The following MICU3 variants were observed in gnomAD, a reference collection of about 807,000 sequenced individuals.
The protein encoded by MICU3 is calcium uptake protein 3, mitochondrial.
MICU3 carries 62 observed loss-of-function variants against 66.5 expected under a neutral mutation model. The ratio of observed to expected loss-of-function variants is 0.93; its 90% confidence interval spans 0.76 to 1.15. The LOEUF (loss-of-function observed/expected upper bound fraction) is 1.15, where lower values mean the gene tolerates loss of function less well. MICU3 is among the 50% of genes most tolerant of loss of function. MICU3 has a pLI of 0.00. For synonymous variants in MICU3, 308 were observed against 240.7 expected, an observed-to-expected ratio of 1.28 and a Z score of -2.59; for missense variants, 779 against 664.4, an observed-to-expected ratio of 1.17 and a Z score of -1.90.
chr8:17,117,151 AT>A (rs36003547), intron 13 of MICU3, among the ~76,000 whole-genome samples: 4,831 of 151,314 alleles, frequency 0.032, 107 homozygotes, highest in Non-Finnish European at 0.043. Context: ...CTAATTTATA[AT>A]TTTTTTTACT....
At chr8:17,078,115 A>G (rs1441381892) in intron 4 of MICU3, among the ~76,000 whole-genome samples, 2 of 151,904 alleles carry the variant, frequency 1.3e-5, no homozygotes, top group Non-Finnish European at 2.9e-5. Context: ...ATTTTTTTAT[A>G]TCAGATTGGA....
At chr8:17,064,031 A>G in intron 1 of MICU3, 53 bp from the exon 2 acceptor site, 1 of 1,391,194 alleles carries the variant, frequency 7.2e-7, no homozygotes, top group East Asian at 2.3e-5. Flanking sequence ...AGTATCTTCT[A>G]GAGGGAGGTA....
At chr8:17,136,983 C>T in the MICU3 span, among the ~76,000 whole-genome samples, 2 of 151,880 alleles carry the variant, frequency 1.3e-5, no homozygotes, top group Admixed American at 6.6e-5. Flanking sequence ...TACAGGTGCA[C>T]GCCACCACGC....
rs1485023957 is a variant in MICU3 at position 17,087,023 on chromosome 8, G to A, written c.837G>A (p.Lys279=). 3 of 1,604,706 alleles carry A rather than the reference G, an allele frequency of 1.9e-6. No individual in the cohort carries two copies. The highest frequency in any genetic ancestry group is 2.6e-6 in the Non-Finnish European group (3 of 1,172,770). The stretch of plus-strand genomic sequence containing the variant: ...GAGAAATTAAAGGAGATGAAGAAAA[G>A]CGTGCAATGCTGGTAAGAATACTTT... ...EKREIKGDEE[K]RAMLRLQLYG... is the part of the protein sequence containing the mutation. Residue 279 remains lysine, a synonymous_variant, in exon 7 of 15, where the codon AAG becomes AAA. Transcript: ENST00000318063.
rs542462585 is a variant in MICU3 at position 17,104,818 on chromosome 8, AC to A, written c.1085+331del. Among the ~76,000 whole-genome samples the A allele has an allele frequency of 6.8e-4, 34 of 49,860 alleles. 6 individuals carry two copies. The East Asian group carries it at 0.014, about 20-fold the overall frequency. The allele number at this position is 49,860 out of a possible 152,430, so 32.7% of individuals were successfully genotyped here. A position where few individuals can be genotyped will look rare whatever the true frequency, so the allele number is the denominator to read the frequency against. On this transcript the variant is annotated intron_variant, in intron 10 of 14. Transcript: ENST00000318063. ...AGACCATCCTGGCTAACACGGTGAAACCCCGTCTCTACTAAAAATACAAAAA... is the reference window on the plus strand; with the variant it reads ...AGACCATCCTGGCTAACACGGTGAAACCCGTCTCTACTAAAAATACAAAAA...
chr8:17,065,118 C>T (rs964099740), intron 2 of MICU3, among the ~76,000 whole-genome samples: 2 of 152,118 alleles, frequency 1.3e-5, no homozygotes, highest in African/African-American at 4.8e-5. Context: ...CATTTCACTT[C>T]ACTGAAAGAT....
At chr8:17,136,634 C>T in the MICU3 span, among the ~76,000 whole-genome samples, 1 of 152,074 alleles carries the variant, frequency 6.6e-6, no homozygotes, top group African/African-American at 2.4e-5. Context: ...GGGCCTCACC[C>T]TCCCCACCCT....
chr8:17,096,603 A>G (rs764755326), intron 8 of MICU3, among the ~76,000 whole-genome samples: 84 of 151,952 alleles, frequency 5.5e-4, no homozygotes, highest in South Asian at 8.3e-4. Context: ...TATTTAAAAG[A>G]TGATGTAAGA....
intron 7 of MICU3, 26 bp downstream of exon 7, chr8:17,087,061 G>GGCAACAATATA (rs1472045224): frequency 6.7e-7 from 1 of 1,482,816 alleles, no homozygotes; most frequent in Non-Finnish European, 9.3e-7. Context: ...AGTAGCTTTA[G>GGCAACAATATA]GTGGCTTTTG....
downstream of MICU3, among the ~76,000 whole-genome samples, chr8:17,125,963 G>A (rs1676807414): frequency 6.6e-6 from 1 of 150,696 alleles, no homozygotes; most frequent in South Asian, 2.1e-4. Flanking sequence ...CTGGGAGGTG[G>A]AGGTTGCAGT....
chr8:17,067,692 G>A (rs1200146019), intron 2 of MICU3, among the ~76,000 whole-genome samples: 5 of 151,980 alleles, frequency 3.3e-5, no homozygotes, highest in African/African-American at 4.8e-5. Flanking sequence ...CTCCTGCCTC[G>A]GCCTCCAAAG....
chr8:17,111,153 A>C (rs915817189), intron 11 of MICU3, among the ~76,000 whole-genome samples: 1 of 151,908 alleles, frequency 6.6e-6, no homozygotes, highest in Non-Finnish European at 1.5e-5. Flanking sequence ...TGGAGAAATG[A>C]TTTTTCAAGT....
At chr8:17,070,807 T>C (rs1198882262) in intron 3 of MICU3, among the ~76,000 whole-genome samples, 2 of 152,072 alleles carry the variant, frequency 1.3e-5, no homozygotes, top group Non-Finnish European at 1.5e-5. Flanking sequence ...GGTAATATGC[T>C]CTAAGACCCC....
chr8:17,081,947 G>T, intron 5 of MICU3: 1 of 357,052 alleles, frequency 2.8e-6, no homozygotes, highest in South Asian at 3.0e-5. Context: ...AGTAATAAAT[G>T]CTCATAAATT....
Position 17,116,606 on chromosome 8 carries a change from C to T in MICU3, c.1524+6C>T, listed in dbSNP as rs1004021439. On this transcript the variant is annotated splice_donor_region_variant and intron_variant, in intron 13 of 14. Transcript: ENST00000318063. ...GACTCCATAGAGGATTCCGGGTAAACCTACACATTTTAAACCTATTGATAT... is the reference window on the plus strand; with the variant it reads ...GACTCCATAGAGGATTCCGGGTAAATCTACACATTTTAAACCTATTGATAT... 1 of 1,545,298 alleles carries T rather than the reference C, an allele frequency of 6.5e-7. No individual in the cohort carries two copies. Among genetic ancestry groups the T allele is most frequent in the Non-Finnish European group, 8.7e-7 (1 of 1,153,306 alleles).
At chr8:17,064,543 G>A (rs1180836588) in intron 2 of MICU3, among the ~76,000 whole-genome samples, 1 of 152,096 alleles carries the variant, frequency 6.6e-6, no homozygotes, top group Non-Finnish European at 1.5e-5. Flanking sequence ...TAGTTCAGAG[G>A]ACTGGCTTTG....
At chr8:17,073,704 G>A (rs1819947795) in intron 3 of MICU3, among the ~76,000 whole-genome samples, 1 of 152,064 alleles carries the variant, frequency 6.6e-6, no homozygotes, top group Non-Finnish European at 1.5e-5. Flanking sequence ...TGCTATATGT[G>A]TTTCCTGAAC....
At chr8:17,036,339 A>G (rs568762856) in intron 1 of MICU3, among the ~76,000 whole-genome samples, 4 of 152,288 alleles carry the variant, frequency 2.6e-5, no homozygotes, top group Admixed American at 1.3e-4. Context: ...AGTGAGCAGT[A>G]GCAAGATTTA....
chr8:17,089,424 A>C (rs1207079358), intron 7 of MICU3, among the ~76,000 whole-genome samples: 1 of 152,046 alleles, frequency 6.6e-6, no homozygotes, highest in Non-Finnish European at 1.5e-5. Context: ...AGTTTTTTTT[A>C]GTTATACTAC....
Sources: gnomAD v4.1 joint callset for allele counts (sites outside exome capture counted in the v4.1 genomes callset) on GRCh38, gnomAD v4.1.1 for gene constraint, MANE v1.5 for transcripts, NCBI Gene and HGNC (gene_info 2026-07-23, HGNC 2026-07-21) for gene names.